Variants in IYD observed in about 807,000 individuals in gnomAD.
The protein encoded by IYD is iodotyrosine deiodinase 1.
Under a neutral mutation model 28.4 loss-of-function variants are expected in IYD, and 25 were observed. The ratio of observed to expected loss-of-function variants is 0.88; its 90% CI spans 0.64 to 1.23. The LOEUF is 1.23. Among genes scored for constraint, IYD ranks in the 50% most tolerant of loss-of-function variants. The pLI, the probability that IYD is intolerant of heterozygous loss-of-function variation, is 0.00. For missense variants in IYD, 352 were observed against 357.9 expected (o/e 0.98, Z 0.13); for synonymous variants, 140 against 130.8 (o/e 1.07, Z -0.48).
In IYD at chr6:150,398,237, G is replaced by A. The variant is rs1465734393; in HGVS notation, c.870G>A (p.Ter290=). 6.2e-7 allele frequency: 1 copy of A among 1,614,128 alleles called. No individual in the cohort carries two copies. Among genetic ancestry groups the A allele is most frequent in the Non-Finnish European group, 8.5e-7 (1 of 1,180,010 alleles). ...TGGACCAGATCATGGTGACAGTGTA[G>A]GCAGGGCCCCCCAAGGGAGTGGCAG... is the stretch of plus-strand genomic sequence containing the variant. ...KPLDQIMVTV[*] is the part of the protein sequence containing the mutation. Residue 290 remains the stop codon, a stop_retained_variant, in exon 5 of 5, where the codon TAG becomes TAA. Transcript: ENST00000344419.
chr6:150,404,042 A>G lies in IYD; in HGVS notation c.*5805A>G, dbSNP rs1047523017. 2.4e-4 allele frequency: 36 copies of G among 152,332 alleles called. No individual in the cohort carries two copies. The highest frequency in any genetic ancestry group is 8.2e-4 in the African/African-American group (34 of 41,580). 9.4% of individuals were successfully genotyped at this position (152,332 alleles called of 1,614,324 possible). A position where few individuals can be genotyped will look rare whatever the true frequency, so the allele number is the denominator to read the frequency against. On this transcript the variant is annotated 3_prime_UTR_variant, in exon 5 of 5. Transcript: ENST00000344419. The stretch of plus-strand genomic sequence containing the variant: ...TGAAAACTGGGAGCCTCCTGTTCCC[A>G]TAGTAACCACAGCACTCAGGGCACT...
rs1344666608 is a variant in IYD at position 150,400,636 on chromosome 6, GA to G, written c.*2401del. 3.3e-5 allele frequency: 5 copies of G among 152,220 alleles called. No homozygotes were observed. The highest frequency in any genetic ancestry group is 3.3e-4 in the Admixed American group (5 of 15,286). The allele number at this position is 152,220 out of a possible 1,614,324, so 9.4% of individuals were successfully genotyped here. On this transcript the variant is annotated 3_prime_UTR_variant, in exon 5 of 5. Transcript: ENST00000344419. ...TAAGGAGTGAGTGTCACTGTGGGAA[GA>G]ATAAGAGGGGGACTGTCTTGTCCTT...
At chr6:150,383,855 CA>C (rs963278418) in intron 1 of IYD, among the ~76,000 whole-genome samples, 4 of 148,460 alleles carry the variant, frequency 2.7e-5, no homozygotes, top group African/African-American at 7.4e-5. Context: ...AACCTCCTCC[CA>C]AAAAAAACCC....
intron 2 of IYD, among the ~76,000 whole-genome samples, chr6:150,390,683 A>G (rs1229722740): frequency 6.6e-6 from 1 of 152,134 alleles, no homozygotes; most frequent in Admixed American, 6.5e-5. Flanking sequence ...TTCTTCTGAA[A>G]TATCCCACCC....
At chr6:150,392,164 G>T in intron 2 of IYD, 181 bp from the exon 3 acceptor site, 3 of 283,682 alleles carry the variant, frequency 1.1e-5, no homozygotes, top group Non-Finnish European at 1.6e-5. Context: ...AAGCAGCTGG[G>T]ACTATAGGCA....
chr6:150,378,615 G>A (rs1777537076), intron 1 of IYD, among the ~76,000 whole-genome samples: 1 of 152,160 alleles, frequency 6.6e-6, no homozygotes, highest in African/African-American at 2.4e-5. Flanking sequence ...CAGTTAGGAT[G>A]GCAATCATCA....
intron 1 of IYD, among the ~76,000 whole-genome samples, chr6:150,371,578 C>T (rs1777243295): frequency 1.3e-5 from 2 of 152,200 alleles, no homozygotes; most frequent in East Asian, 1.9e-4. Flanking sequence ...GAACATAGAG[C>T]AGAACTGGAG....
chr6:150,392,836 A>G (rs1240226739), intron 3 of IYD, among the ~76,000 whole-genome samples: 3 of 152,264 alleles, frequency 2.0e-5, no homozygotes, highest in Non-Finnish European at 2.9e-5. Context: ...AAATGATTTT[A>G]CTAAGCAGGT....
rs1778602837 is a variant in IYD, at chr6:150,404,791, T to C, written c.*6554T>C. On this transcript the variant is annotated 3_prime_UTR_variant, in exon 5 of 5. Transcript: ENST00000344419. ...GTCAGAATGCTTTTGACAGAAGTAA[T>C]ACAAACAAAAAAACCTCACTATAAC... is the stretch of plus-strand genomic sequence containing the variant. 2 of 152,164 alleles carry C rather than the reference T, an allele frequency of 1.3e-5. No individual in the cohort carries two copies. Among genetic ancestry groups the C allele is most frequent in the African/African-American group, 4.8e-5 (2 of 41,434 alleles). 9.4% of individuals were successfully genotyped at this position (152,164 alleles called of 1,614,324 possible).
rs1778516538 is a variant in IYD, at chr6:150,401,751, T to A, written c.*3514T>A. The A allele has an allele frequency of 6.6e-6, 1 of 152,094 alleles. No homozygotes were observed. Among genetic ancestry groups the A allele is most frequent in the Admixed American group, 6.6e-5 (1 of 15,260 alleles). The allele number at this position is 152,094 out of a possible 1,614,324, so 9.4% of individuals were successfully genotyped here. Reference sequence around the variant, plus strand: ...TTCTGAGGCCTTAAAACCAAAAAAATAATGGAATGATTGCATCACTGCGAG... The same window carrying A: ...TTCTGAGGCCTTAAAACCAAAAAAAAAATGGAATGATTGCATCACTGCGAG... On this transcript the variant is annotated 3_prime_UTR_variant, in exon 5 of 5. Coordinates refer to ENST00000344419, the MANE Select transcript of IYD (RefSeq NM_203395.3).
rs764885366 is a variant in IYD, at chr6:150,389,561, G to T, written c.370+18G>T. On this transcript the variant is annotated intron_variant, in intron 2 of 4. Transcript: ENST00000344419. ...AACGGCAGGTTTGTAATTGCAGATG[G>T]GGTCTTTGGAAATGTTAGTCACCTT... 17 of 1,608,072 alleles carry T rather than the reference G, an allele frequency of 1.1e-5. No individual in the cohort carries two copies. Among genetic ancestry groups the T allele is most frequent in the African/African-American group, 1.3e-5 (1 of 74,798 alleles).
chr6:150,371,934 C>T (rs1255122960), intron 1 of IYD, among the ~76,000 whole-genome samples: 1 of 152,170 alleles, frequency 6.6e-6, no homozygotes, highest in Non-Finnish European at 1.5e-5. Context: ...CCCCCAAGTC[C>T]CTGCTCTCAG....
At chr6:150,378,704 T>G (rs55977741) in intron 1 of IYD, among the ~76,000 whole-genome samples, 17,868 of 152,160 alleles carry the variant, frequency 0.12, 1,199 homozygotes, top group Non-Finnish European at 0.14. Flanking sequence ...GACTGTAAAC[T>G]AGTTCAACCA....
Position 150,391,987 on chromosome 6 carries a change from G to A in IYD, c.371-358G>A, listed in dbSNP as rs574185958. On this transcript the variant is annotated intron_variant, in intron 2 of 4. Transcript: ENST00000344419. ...GCCTCCCAAAGTGCTGGGATTACAG[G>A]CATAGGCCACTGCCCCTGGCCAAGT... Among the ~76,000 whole-genome samples, 176 of 152,134 alleles carry A rather than the reference G, an allele frequency of 1.2e-3. No individual in the cohort carries two copies. The Middle Eastern group carries it at 0.02, about 18-fold the overall frequency.
chr6:150,390,331 AG>A (rs1454069879), intron 2 of IYD, among the ~76,000 whole-genome samples: 1 of 152,250 alleles, frequency 6.6e-6, no homozygotes, highest in African/African-American at 2.4e-5. Flanking sequence ...TACTAAATTT[AG>A]CCTTTATCTG....
chr6:150,369,868 G>A (rs1006867096), intron 1 of IYD: 1 of 666,940 alleles, frequency 1.5e-6, no homozygotes. Context: ...GGAGCCAAAG[G>A]AGCAGAAGCA....
rs956017670 is a variant in IYD at position 150,398,343 on chromosome 6, G to A, written c.*106G>A. The A allele has an allele frequency of 2.7e-6, 3 of 1,104,778 alleles. No individual in the cohort carries two copies. The highest frequency in any genetic ancestry group is 2.9e-4 in the Middle Eastern group (1 of 3,422). The allele number at this position is 1,104,778 out of a possible 1,614,324, so 68.4% of individuals were successfully genotyped here. On this transcript the variant is annotated 3_prime_UTR_variant, in exon 5 of 5. Coordinates refer to ENST00000344419, the MANE Select transcript of IYD (RefSeq NM_203395.3). ...TGGCTGCTCTTTCTCCAGGTGTCAG[G>A]TCCCCTCATTGCTCTTCTCAGGTGG...
chr6:150,369,072 T>C lies in IYD; in HGVS notation c.41T>C (p.Ile14Thr). 6.2e-7 allele frequency: 1 copy of C among 1,613,952 alleles called. No individual in the cohort carries two copies. ...CCCATCTTGGTAGCCATTCTCTGCA[T>C]TTTGGTTGTGTGGATCTTTAAAAAT... Reference protein sequence around the residue: ...LTPILVAILCILVVWIFKNAD... With the variant: ...LTPILVAILCTLVVWIFKNAD... The change falls in exon 1 of 5, where the codon ATT (isoleucine) becomes ACT (threonine). Residue 14 changes from isoleucine (I) to threonine (T), a missense_variant. By Grantham distance (89) the Ile-to-Thr change is moderately conservative. Transcript: ENST00000344419.
Position 150,369,566 on chromosome 6 carries a change from G to A in IYD, c.178+357G>A, listed in dbSNP as rs534252093. On this transcript the variant is annotated intron_variant, in intron 1 of 4. Coordinates refer to ENST00000344419, the MANE Select transcript of IYD (RefSeq NM_203395.3). The stretch of plus-strand genomic sequence containing the variant: ...AGGCCAGGTTTTGATCAGGAACTTT[G>A]AAATCTACCAAGTGGCATCACCTAG... Among the ~76,000 whole-genome samples the A allele has an allele frequency of 5.3e-5, 8 of 152,304 alleles. 1 individual carries two copies. The East Asian group carries it at 1.5e-3, about 29-fold the overall frequency.
Sources: gnomAD v4.1 joint callset for allele counts (sites outside exome capture counted in the v4.1 genomes callset) on GRCh38, gnomAD v4.1.1 for gene constraint, MANE v1.5 for transcripts, NCBI Gene and HGNC (gene_info 2026-07-23, HGNC 2026-07-21) for gene names.